The following IDH3A variants were observed in gnomAD, a reference collection of about 807,000 sequenced individuals.
IDH3A encodes the protein isocitrate dehydrogenase (NAD(+)) 3 catalytic subunit alpha, also known as isocitrate dehydrogenase [NAD] subunit alpha, mitochondrial.
IDH3A carries 23 observed loss-of-function variants against 43.3 expected under a neutral mutation model. The ratio of observed to expected loss-of-function variants is 0.53; its 90% CI spans 0.38 to 0.75. The LOEUF is 0.75. IDH3A is among the 30% of genes least tolerant of loss of function. IDH3A has a pLI of 0.00. For missense variants in IDH3A, 329 were observed against 474.4 expected, an observed-to-expected ratio of 0.69 and a Z score of 2.85; for synonymous variants, 154 against 163.5, an observed-to-expected ratio of 0.94 and a Z score of 0.44.
chr15:78,160,354 T>G (rs1303022913), intron 4 of IDH3A, 148 bp downstream of exon 4: 1 of 573,828 alleles, frequency 1.7e-6, no homozygotes, highest in Admixed American at 3.0e-5. Flanking sequence ...CATAGTAAGA[T>G]GTTTTATTCA....
intron 2 of IDH3A, 155 bp downstream of exon 2, chr15:78,155,430 C>T (rs112067521): frequency 1.5e-5 from 8 of 528,948 alleles, no homozygotes; most frequent in African/African-American, 1.3e-4. Context: ...GGCTGACATG[C>T]ACAAATCTGT....
intron 2 of IDH3A, 183 bp from the exon 3 acceptor site, chr15:78,157,365 T>C: frequency 1.6e-6 from 1 of 625,722 alleles, no homozygotes; most frequent in Non-Finnish European, 2.6e-6. Context: ...GATTGCAGAG[T>C]CTCTCCTCTG....
At chr15:78,165,681 CTTTATTTA>C (rs3972619) in intron 9 of IDH3A, among the ~76,000 whole-genome samples, 4 of 149,926 alleles carry the variant, frequency 2.7e-5, no homozygotes, top group Non-Finnish European at 5.9e-5. Flanking sequence ...TTCTCCAAGT[CTTTATTTA>C]TTTATTTATT....
At chr15:78,152,297 A>T (rs1407288950) in intron 1 of IDH3A, among the ~76,000 whole-genome samples, 2 of 148,934 alleles carry the variant, frequency 1.3e-5, no homozygotes, top group East Asian at 2.0e-4. Flanking sequence ...ACCTCAGGTG[A>T]TCCACCGGCC....
At chr15:78,152,154 G>A (rs1042300065) in intron 1 of IDH3A, among the ~76,000 whole-genome samples, 3 of 146,332 alleles carry the variant, frequency 2.1e-5, no homozygotes, top group African/African-American at 7.6e-5. Flanking sequence ...CACCTCCTGG[G>A]TTCAAGCGAT....
In IDH3A at chr15:78,161,878, T is replaced by A. The variant is rs2074684374; in HGVS notation, c.477+110T>A. The A allele has an allele frequency of 1.0e-6, 1 of 983,636 alleles. No individual in the cohort carries two copies. The highest frequency in any genetic ancestry group is 2.1e-5 in the Admixed American group (1 of 47,918). 60.9% of individuals were successfully genotyped at this position (983,636 alleles called of 1,614,324 possible). On this transcript the variant is annotated intron_variant, in intron 5 of 10. Coordinates refer to ENST00000299518, the MANE Select transcript of IDH3A (RefSeq NM_005530.3). This position sits in a 1 kb window ranked among gnomAD's most constrained non-coding sequence, Gnocchi z 4.8. ...CTGTGAGGAGTTGTGGGTGTTTGTC[T>A]TGGTGCTGGGTGTCTGGCTGACAGT...
chr15:78,165,169 T>C, intron 9 of IDH3A, 93 bp downstream of exon 9: 1 of 794,622 alleles, frequency 1.3e-6, no homozygotes, highest in South Asian at 1.5e-5. Context: ...AACTCCAGTT[T>C]TTCAAATTGT....
In IDH3A at chr15:78,163,537, A is replaced by C; in HGVS notation, c.642A>C (p.Lys214Asn). The C allele has an allele frequency of 1.2e-6, 2 of 1,613,246 alleles. No individual in the cohort carries two copies. The highest frequency in any genetic ancestry group is 1.7e-6 in the Non-Finnish European group (2 of 1,179,358). ...MRMSDGLFLQ[K>N]CREVAESCKD... ...TGTCAGATGGGCTTTTTCTACAAAA[A>C]TGCAGGGAAGTTGCAGAAAGCTGTA... Residue 214 changes from lysine (K) to asparagine (N), a missense_variant, in exon 7 of 11, where the codon AAA (lysine) becomes AAC (asparagine). By Grantham distance (94) the Lys-to-Asn change is moderately conservative. Coordinates refer to ENST00000299518, the MANE Select transcript of IDH3A (RefSeq NM_005530.3).
At chr15:78,149,559 C>T in intron 1 of IDH3A, 129 bp downstream of exon 1, 1 of 744,472 alleles carries the variant, frequency 1.3e-6, no homozygotes, top group Non-Finnish European at 2.0e-6. Flanking sequence ...GCGGGGACAG[C>T]TTGGGAGCCG....
intron 8 of IDH3A, among the ~76,000 whole-genome samples, chr15:78,164,209 T>C (rs933070177): frequency 2.0e-5 from 3 of 152,084 alleles, no homozygotes; most frequent in African/African-American, 7.2e-5. Flanking sequence ...TCTCCAGATG[T>C]CAGCATTTTA....
At chr15:78,152,217 C>T (rs2074582654) in intron 1 of IDH3A, among the ~76,000 whole-genome samples, 1 of 151,528 alleles carries the variant, frequency 6.6e-6, no homozygotes, top group South Asian at 2.1e-4. Context: ...CACCATCACA[C>T]CCAGCTGATT....
chr15:78,159,954 C>T lies in IDH3A; in HGVS notation c.175-138C>T, dbSNP rs4886560. On this transcript the variant is annotated intron_variant, in intron 3 of 10. Coordinates refer to ENST00000299518, the MANE Select transcript of IDH3A (RefSeq NM_005530.3). ...AGGTTATAGTGAGCCAAGATTGTGC[C>T]GCTGCACTCTAGCCTAGGCGACAGA... 110,739 of 613,304 alleles carry T rather than the reference C, an allele frequency of 0.18. 15,104 individuals are homozygous for T. Among genetic ancestry groups the T allele is most frequent in the East Asian group, 0.58 (20,549 of 35,582 alleles). 38.0% of individuals were successfully genotyped at this position (613,304 alleles called of 1,614,324 possible).
In IDH3A at chr15:78,164,991, G is replaced by C. The variant is rs1296243749; in HGVS notation, c.780-1G>C. 1 of 1,611,330 alleles carries C rather than the reference G, an allele frequency of 6.2e-7. No homozygotes were observed. The highest frequency in any genetic ancestry group is 1.3e-5 in the African/African-American group (1 of 74,720). On this transcript the variant is annotated splice_acceptor_variant, in intron 8 of 10. Transcript: ENST00000299518. LOFTEE classifies it high-confidence loss of function. ...TCTTTGAAATGCTTTTCTTCCGCTA[G>C]TGACTTGTGTGCAGGATTGATCGGA...
At chr15:78,149,778 C>T (rs899971165) in intron 1 of IDH3A, among the ~76,000 whole-genome samples, 2 of 152,256 alleles carry the variant, frequency 1.3e-5, no homozygotes, top group Middle Eastern at 3.2e-3. Flanking sequence ...TCACGGGAGC[C>T]TCTGTCCCGG....
chr15:78,170,378 A>G lies in IDH3A; in HGVS notation c.*1373A>G, dbSNP rs2074804994. The G allele has an allele frequency of 6.6e-6, 1 of 151,502 alleles. No individual in the cohort carries two copies. Among genetic ancestry groups the G allele is most frequent in the Non-Finnish European group, 1.5e-5 (1 of 67,892 alleles). 9.4% of individuals were successfully genotyped at this position (151,502 alleles called of 1,614,324 possible). A position where few individuals can be genotyped will look rare whatever the true frequency, so the allele number is the denominator to read the frequency against. On this transcript the variant is annotated 3_prime_UTR_variant, in exon 11 of 11. Transcript: ENST00000299518. ...CAAGGGGATTTTTTTTTTTTTAGCA[A>G]TGATATCCCTGTCTGGGTCACTTTT...
intron 3 of IDH3A, among the ~76,000 whole-genome samples, 193 bp downstream of exon 3, chr15:78,157,824 CTT>C (rs1009643108): frequency 8.3e-5 from 12 of 144,002 alleles, no homozygotes; most frequent in Admixed American, 1.4e-4. Flanking sequence ...TTCTTTCTTT[CTT>C]TTTTTTTTTT....
rs1321581798 is a variant in IDH3A, at chr15:78,161,818, G to T, written c.477+50G>T. 6.7e-7 allele frequency: 1 copy of T among 1,497,598 alleles called. No individual in the cohort carries two copies. The highest frequency in any genetic ancestry group is 1.4e-5 in the African/African-American group (1 of 72,546). 92.8% of individuals were successfully genotyped at this position (1,497,598 alleles called of 1,614,324 possible). Reference sequence around the variant, plus strand: ...TATTCCTGCTTGGACTGCTTTCTGTGCATCTGGGACCCCAGAGACAGATCT... The same window carrying T: ...TATTCCTGCTTGGACTGCTTTCTGTTCATCTGGGACCCCAGAGACAGATCT... On this transcript the variant is annotated intron_variant, in intron 5 of 10. Coordinates refer to ENST00000299518, the MANE Select transcript of IDH3A (RefSeq NM_005530.3). The surrounding 1 kb of genome is among the most constrained non-coding windows in gnomAD (Gnocchi z 4.8).
chr15:78,164,730 T>C (rs1254054687), intron 8 of IDH3A, among the ~76,000 whole-genome samples: 1 of 152,242 alleles, frequency 6.6e-6, no homozygotes, highest in Non-Finnish European at 1.5e-5. Flanking sequence ...TTGTCCTAAC[T>C]TGGCTGATGG....
intron 8 of IDH3A, among the ~76,000 whole-genome samples, chr15:78,164,375 C>T (rs1228479559): frequency 1.5e-5 from 2 of 136,488 alleles, no homozygotes; most frequent in Non-Finnish European, 1.5e-5. Context: ...TTTTTTGAGG[C>T]AGAGTCTTGC....
Sources: allele counts gnomAD v4.1 joint callset (sites outside exome capture counted in the v4.1 genomes callset), GRCh38; gene constraint gnomAD v4.1.1; non-coding constraint Gnocchi (gnomAD v3.1); transcripts MANE v1.5; gene names NCBI Gene and HGNC (gene_info 2026-07-23, HGNC 2026-07-21).